Variants in ST8SIA1 observed in about 807,000 individuals in gnomAD.
The protein encoded by ST8SIA1 is alpha-N-acetylneuraminide alpha-2,8-sialyltransferase.
Under a neutral mutation model 35.9 loss-of-function variants are expected in ST8SIA1, and 16 were observed. The ratio of observed to expected loss-of-function variants is 0.45; its 90% CI spans 0.30 to 0.68. The LOEUF is 0.68. Ranked by LOEUF, ST8SIA1 falls within the 30% of genes least tolerant of loss-of-function variation. The probability of loss-of-function intolerance (pLI) is 0.09; values close to 1 mark genes in which losing one functional copy is unlikely to be tolerated. For synonymous variants in ST8SIA1, 170 were observed against 169.6 expected, an observed-to-expected ratio of 1.00 and a Z score of -0.02; for missense variants, 383 against 453.6, an observed-to-expected ratio of 0.84 and a Z score of 1.41.
At chr12:22,223,034 T>G (rs932350579) in intron 4 of ST8SIA1, among the ~76,000 whole-genome samples, 6 of 152,240 alleles carry the variant, frequency 3.9e-5, no homozygotes, top group Admixed American at 3.9e-4. Context: ...TATTTTCTTT[T>G]CATTCATGTC....
chr12:22,227,954 A>G (rs1398661403), intron 4 of ST8SIA1, among the ~76,000 whole-genome samples: 1 of 152,180 alleles, frequency 6.6e-6, no homozygotes, highest in African/African-American at 2.4e-5. Context: ...TCCTTTAGTG[A>G]TAGAGATAAA....
At chr12:22,227,523 G>A (rs1865372969) in intron 4 of ST8SIA1, among the ~76,000 whole-genome samples, 1 of 152,012 alleles carries the variant, frequency 6.6e-6, no homozygotes, top group South Asian at 2.1e-4. Flanking sequence ...AGTTAGCCGA[G>A]ATCGTGCCAT....
At chr12:22,315,207 TAA>T (rs919135328) in intron 1 of ST8SIA1, among the ~76,000 whole-genome samples, 1 of 147,200 alleles carries the variant, frequency 6.8e-6, no homozygotes. Context: ...TCGTTGAATT[TAA>T]AAAAAAAAAG....
chr12:22,206,373 T>C (rs1427190790), intron 4 of ST8SIA1, among the ~76,000 whole-genome samples: 2 of 152,108 alleles, frequency 1.3e-5, no homozygotes, highest in Admixed American at 1.3e-4. Flanking sequence ...AAGTGGTGTC[T>C]AACAGCAATC....
chr12:22,224,085 ATTG>A (rs1865330092), intron 4 of ST8SIA1, among the ~76,000 whole-genome samples: 3 of 152,204 alleles, frequency 2.0e-5, no homozygotes, highest in African/African-American at 7.2e-5. Flanking sequence ...ATACAGCAGC[ATTG>A]TTATCATTTC....
At chr12:22,268,010 G>GCACT (rs1865866807) in intron 2 of ST8SIA1, among the ~76,000 whole-genome samples, 1 of 152,144 alleles carries the variant, frequency 6.6e-6, no homozygotes. Flanking sequence ...TAGGCCCTTA[G>GCACT]CACTGGGTAA....
At chr12:22,248,851 TTTTC>T (rs1345490537) in intron 4 of ST8SIA1, 151 bp downstream of exon 4, 2 of 573,480 alleles carry the variant, frequency 3.5e-6, no homozygotes, top group African/African-American at 3.8e-5. Flanking sequence ...CATAATCCTG[TTTTC>T]TTTATTTACA....
chr12:22,237,593 T>C (rs748284071), intron 4 of ST8SIA1, among the ~76,000 whole-genome samples: 4 of 151,676 alleles, frequency 2.6e-5, no homozygotes, highest in Non-Finnish European at 5.9e-5. Context: ...ATTGAAACCA[T>C]TTATGTATAT....
chr12:22,271,057 C>T (rs1431544204), intron 2 of ST8SIA1, among the ~76,000 whole-genome samples: 1 of 152,136 alleles, frequency 6.6e-6, no homozygotes, highest in African/African-American at 2.4e-5. Context: ...CTGCAGTTCC[C>T]ACAGGCACAT....
At chr12:22,298,660 A>C (rs1362721465) in intron 1 of ST8SIA1, among the ~76,000 whole-genome samples, 1 of 152,232 alleles carries the variant, frequency 6.6e-6, no homozygotes, top group Non-Finnish European at 1.5e-5. Flanking sequence ...ATGATCATAG[A>C]CATAAACAAA....
At chr12:22,213,058 T>G (rs1865191581) in intron 4 of ST8SIA1, among the ~76,000 whole-genome samples, 1 of 152,222 alleles carries the variant, frequency 6.6e-6, no homozygotes, top group East Asian at 1.9e-4. Context: ...ACCAAAGAAC[T>G]GACTCGACAG....
intron 4 of ST8SIA1, among the ~76,000 whole-genome samples, chr12:22,204,540 T>A (rs1416114819): frequency 6.6e-6 from 1 of 152,170 alleles, no homozygotes; most frequent in Non-Finnish European, 1.5e-5. Flanking sequence ...CCCTGCTGGC[T>A]GATGGAACTG....
chr12:22,222,886 C>T (rs754209999), intron 4 of ST8SIA1, among the ~76,000 whole-genome samples: 20 of 152,062 alleles, frequency 1.3e-4, no homozygotes, highest in Non-Finnish European at 2.2e-4. Context: ...AATGACTAGC[C>T]TGTGCTACCT....
intron 2 of ST8SIA1, among the ~76,000 whole-genome samples, chr12:22,274,803 C>T (rs1220831362): frequency 6.6e-6 from 1 of 152,162 alleles, no homozygotes; most frequent in Non-Finnish European, 1.5e-5. Context: ...GGAAAAGCAA[C>T]CATCCATTTC....
At chr12:22,203,461 T>C (rs1008451644) in intron 4 of ST8SIA1, among the ~76,000 whole-genome samples, 5 of 152,190 alleles carry the variant, frequency 3.3e-5, no homozygotes, top group Non-Finnish European at 5.9e-5. Context: ...ATCAGCATTA[T>C]TGACTCTGCC....
intron 2 of ST8SIA1, among the ~76,000 whole-genome samples, chr12:22,279,718 CT>C (rs1341963886): frequency 2.6e-5 from 4 of 152,206 alleles, no homozygotes; most frequent in Non-Finnish European, 5.9e-5. Context: ...TGCAATACCC[CT>C]TTCTGGCTAC....
chr12:22,266,225 A>G (rs1865846663), intron 2 of ST8SIA1, among the ~76,000 whole-genome samples: 1 of 151,868 alleles, frequency 6.6e-6, no homozygotes, highest in Admixed American at 6.6e-5. Context: ...TACAGTGTCC[A>G]ATAAAATTCC....
chr12:22,234,029 G>A (rs1865448095), intron 4 of ST8SIA1, among the ~76,000 whole-genome samples: 1 of 152,062 alleles, frequency 6.6e-6, no homozygotes, highest in South Asian at 2.1e-4. Context: ...AGAGGCCAAG[G>A]TGGGCGGATC....
chr12:22,234,440 G>T (rs1378369703), intron 4 of ST8SIA1, among the ~76,000 whole-genome samples: 1 of 151,996 alleles, frequency 6.6e-6, no homozygotes, highest in East Asian at 1.9e-4. Flanking sequence ...GCCTTGTCTA[G>T]ACAATCATTT....
Sources: allele counts gnomAD v4.1 joint callset (sites outside exome capture counted in the v4.1 genomes callset), GRCh38; gene constraint gnomAD v4.1.1; transcripts MANE v1.5; gene names NCBI Gene and HGNC (gene_info 2026-07-23, HGNC 2026-07-21).